Variants in PTCH2 observed in about 807,000 individuals in gnomAD.
The protein encoded by PTCH2 is patched 2.
PTCH2 carries 96 observed loss-of-function variants against 117.9 expected under a neutral mutation model. That is an observed-to-expected ratio of 0.81 (90% CI 0.69 to 0.96). The LOEUF is 0.96. PTCH2 is among the 50% of genes least tolerant of loss of function. The pLI is 0.00. For synonymous variants in PTCH2, 615 were observed against 660.9 expected (o/e 0.93, Z 1.06); for missense variants, 1,379 against 1,562.5 (o/e 0.88, Z 1.98).
intron 2 of PTCH2, among the ~76,000 whole-genome samples, chr1:44,838,257 C>T (rs904417307): frequency 2.0e-4 from 30 of 152,174 alleles, no homozygotes; most frequent in African/African-American, 7.2e-4. Flanking sequence ...CCTCTGTCTT[C>T]TACATGGAAT....
At position 44,842,856 on chromosome 1, in the gene PTCH2, C is replaced by G. The variant is rs1417599434; in HGVS notation, c.72+5G>C. On this transcript the variant is annotated splice_donor_5th_base_variant and intron_variant, in intron 1 of 21. Transcript: ENST00000372192. ...CTTCCTTCTTCCAGCTCCCCCTCTA[C>G]TCACCTGGGGTGCTGCGGTTCGAGC... The G allele has an allele frequency of 1.3e-6, 2 of 1,549,940 alleles. No homozygotes were observed. The highest frequency in any genetic ancestry group is 2.4e-5 in the South Asian group (2 of 83,976).
chr1:44,842,094 C>T lies in PTCH2; in HGVS notation c.73-55G>A, dbSNP rs1653972427. The T allele has an allele frequency of 3.3e-6, 5 of 1,498,542 alleles. No homozygotes were observed. The South Asian group carries it at 5.7e-5, about 17-fold the overall frequency. The allele number at this position is 1,498,542 out of a possible 1,614,324, so 92.8% of individuals were successfully genotyped here. ...CATCACTGCAACAATGCATGAAATC[C>T]TTCCCTTCTCACCCTGTATATCTGC... is the stretch of plus-strand genomic sequence containing the variant. On this transcript the variant is annotated intron_variant, in intron 1 of 21. Transcript: ENST00000372192.
rs181710140 is a variant in PTCH2 at position 44,840,659 on chromosome 1, C to T, written c.265+1188G>A. Among the ~76,000 whole-genome samples, 719 of 150,552 alleles carry T rather than the reference C, an allele frequency of 4.8e-3. 2 individuals carry two copies. Among genetic ancestry groups the T allele is most frequent in the Non-Finnish European group, 7.1e-3 (478 of 67,602 alleles). On this transcript the variant is annotated intron_variant, in intron 2 of 21. Coordinates refer to ENST00000372192, the MANE Select transcript of PTCH2 (RefSeq NM_003738.5). ...CTGGGAGGCAGAGGTTGCAGTGAGA[C>T]GATATCAAGCCACTAAACTCCAGCT...
chr1:44,829,631 G>T lies in PTCH2; in HGVS notation c.1066C>A (p.Gln356Lys). The change falls in exon 8 of 22, where the codon CAG (glutamine) becomes AAG (lysine). Residue 356 changes from glutamine (Q) to lysine (K), a missense_variant. Gln to Lys is a moderately conservative substitution (Grantham distance 53). Coordinates refer to ENST00000372192, the MANE Select transcript of PTCH2 (RefSeq NM_003738.5). ...EQASTVLQAW[Q>K]RRFVQLAQEA... Reference sequence around the variant, plus strand: ...ATACCGACCTGCACAAAGCGCCGCTGCCAGGCTTGTAGCACTGTGCTGGCC... The same window carrying T: ...ATACCGACCTGCACAAAGCGCCGCTTCCAGGCTTGTAGCACTGTGCTGGCC... The T allele has an allele frequency of 6.2e-7, 1 of 1,614,218 alleles. No individual in the cohort carries two copies. The highest frequency in any genetic ancestry group is 8.5e-7 in the Non-Finnish European group (1 of 1,180,040).
At chr1:44,841,460 C>T (rs771068367) in intron 2 of PTCH2, among the ~76,000 whole-genome samples, 1 of 152,206 alleles carries the variant, frequency 6.6e-6, no homozygotes, top group Non-Finnish European at 1.5e-5. Flanking sequence ...ACCACATAAT[C>T]ACAGGATGCT....
chr1:44,842,182 C>G (rs1215459977), intron 1 of PTCH2, 143 bp from the exon 2 acceptor site: 2 of 774,500 alleles, frequency 2.6e-6, no homozygotes, highest in Non-Finnish European at 4.4e-6. Flanking sequence ...AGACACAGGC[C>G]CAGACTTGGA....
Position 44,828,390 on chromosome 1 carries a change from A to T in PTCH2, c.1615T>A (p.Phe539Ile), listed in dbSNP as rs1653261511. Residue 539 changes from phenylalanine (F) to isoleucine (I), a missense_variant, in exon 13 of 22, where the codon TTT becomes ATT. Coordinates refer to ENST00000372192, the MANE Select transcript of PTCH2 (RefSeq NM_003738.5). ...GGGAAGACAAGCATCACGGCTACAA[A>T]GGTGCAGCCAACCACTATGGCCGCC... ...LQAAIVVGCTFVAVMLVFPAI... is the reference protein window; with the variant it reads ...LQAAIVVGCTIVAVMLVFPAI... The T allele has an allele frequency of 1.2e-6, 2 of 1,614,058 alleles. No homozygotes were observed. The highest frequency in any genetic ancestry group is 1.7e-6 in the Non-Finnish European group (2 of 1,180,030).
chr1:44,836,300 A>G (rs1201179479), intron 2 of PTCH2, among the ~76,000 whole-genome samples: 2 of 152,206 alleles, frequency 1.3e-5, no homozygotes, highest in African/African-American at 4.8e-5. Flanking sequence ...CTACTAATAC[A>G]TTTTTCCTCA....
In PTCH2 at chr1:44,829,436, C is replaced by G; in HGVS notation, c.1181G>C (p.Ser394Thr). The G allele has an allele frequency of 6.2e-7, 1 of 1,614,210 alleles. No individual in the cohort carries two copies. Among genetic ancestry groups the G allele is most frequent in the Non-Finnish European group, 8.5e-7 (1 of 1,180,034 alleles). ...DDILHAFSEV[S>T]AARVVGGYLL... ...ATAGCCTCCCACCACACGGGCAGCA[C>G]TGACTTCAGAGAACGCATGCAGGAT... Residue 394 changes from serine to threonine, a missense_variant, in exon 9 of 22, where the codon AGT becomes ACT. By Grantham distance (58) the Ser-to-Thr change is moderately conservative. Transcript: ENST00000372192.
In PTCH2 at chr1:44,829,720, C is replaced by G; in HGVS notation, c.977G>C (p.Arg326Pro). 6 of 1,614,188 alleles carry G rather than the reference C, an allele frequency of 3.7e-6. No individual in the cohort carries two copies. The highest frequency in any genetic ancestry group is 5.1e-6 in the Non-Finnish European group (6 of 1,180,026). The stretch of plus-strand genomic sequence containing the variant: ...ACCCCGGAAATGCTCGTACAGCTGG[C>G]GGGGACTCATCAGCAAGAAGGTGCT... ...LQSTFLLMSP[R>P]QLYEHFRGDY... The change falls in exon 8 of 22, where the codon CGC (arginine) becomes CCC (proline). Residue 326 changes from arginine (R) to proline (P), a missense_variant. Arg to Pro is a moderately radical substitution (Grantham distance 103). Coordinates refer to ENST00000372192, the MANE Select transcript of PTCH2 (RefSeq NM_003738.5).
chr1:44,837,945 G>C (rs1653758294), intron 2 of PTCH2, among the ~76,000 whole-genome samples: 1 of 151,966 alleles, frequency 6.6e-6, no homozygotes, highest in East Asian at 1.9e-4. Context: ...AGCTGGGCAT[G>C]GTGGCGGGTG....
chr1:44,831,543 G>C lies in PTCH2; in HGVS notation c.617+163C>G, dbSNP rs920752030. On this transcript the variant is annotated intron_variant, in intron 5 of 21. Transcript: ENST00000372192. This position sits in a 1 kb window ranked among gnomAD's most constrained non-coding sequence, Gnocchi z 4.3. ...CTTCCTTGAGAGGGAAAGAGAAGGA[G>C]GATGTGGAGAGAGCCTTGGGGAAGC... Among the ~76,000 whole-genome samples the C allele has an allele frequency of 6.6e-6, 1 of 152,222 alleles. No homozygotes were observed. Among genetic ancestry groups the C allele is most frequent in the Non-Finnish European group, 1.5e-5 (1 of 68,042 alleles).
chr1:44,833,964 A>G (rs1189662611), intron 2 of PTCH2, among the ~76,000 whole-genome samples: 1 of 151,612 alleles, frequency 6.6e-6, no homozygotes, highest in Non-Finnish European at 1.5e-5. Flanking sequence ...AAACCCATGT[A>G]ATCTTCTCAC....
At position 44,828,424 on chromosome 1, in the gene PTCH2, G is replaced by C. The variant is rs112892676; in HGVS notation, c.1591-10C>G. 6.2e-7 allele frequency: 1 copy of C among 1,614,100 alleles called. No homozygotes were observed. Among genetic ancestry groups the C allele is most frequent in the Admixed American group, 1.7e-5 (1 of 60,030 alleles). On this transcript the variant is annotated splice_polypyrimidine_tract_variant and intron_variant, in intron 12 of 21. Transcript: ENST00000372192. ...CAACCACTATGGCCGCCTGGGGGAC[G>C]GACAGGAGGGGAATGAAGGCTGGAT...
Position 44,823,045 on chromosome 1 carries a change from G to T in PTCH2, c.3357+24C>A. On this transcript the variant is annotated intron_variant, in intron 21 of 21. Coordinates refer to ENST00000372192, the MANE Select transcript of PTCH2 (RefSeq NM_003738.5). The surrounding 1 kb of genome is among the most constrained non-coding windows in gnomAD (Gnocchi z 5.1). ...CCCGTCCCTTGGGCTGGGAGTAGAGGGATGGTGCCGAGGGTGTGGTCACCT... is the reference window on the plus strand; with the variant it reads ...CCCGTCCCTTGGGCTGGGAGTAGAGTGATGGTGCCGAGGGTGTGGTCACCT... 1.2e-6 allele frequency: 2 copies of T among 1,606,328 alleles called. No individual in the cohort carries two copies. The highest frequency in any genetic ancestry group is 1.7e-6 in the Non-Finnish European group (2 of 1,176,150).
rs771286411 is a variant in PTCH2, at chr1:44,828,074, G to T, written c.1827C>A (p.Ser609Arg). 2.5e-6 allele frequency: 4 copies of T among 1,614,112 alleles called. No individual in the cohort carries two copies. In the Admixed American group the frequency reaches 6.7e-5, roughly 27 times the overall value. ...TVQAFTHCEA[S>R]SQHVVTILPP... ...GCAGGATGGTGACCACATGCTGGCT[G>T]CTGGCTTCACAGTGGGTAAAGGCTT... The change falls in exon 14 of 22, where the codon AGC becomes AGA. Residue 609 changes from serine (S) to arginine (R), a missense_variant. Coordinates refer to ENST00000372192, the MANE Select transcript of PTCH2 (RefSeq NM_003738.5).
chr1:44,832,102 C>T (rs1653477354), intron 3 of PTCH2, 50 bp downstream of exon 3: 1 of 1,613,106 alleles, frequency 6.2e-7, no homozygotes, highest in Non-Finnish European at 8.5e-7. Context: ...ACTCCAGAAC[C>T]CCCACAGCAC....
In PTCH2 at chr1:44,831,661, A is replaced by G; in HGVS notation, c.617+45T>C. 2.7e-6 allele frequency: 4 copies of G among 1,485,376 alleles called. No homozygotes were observed. Among genetic ancestry groups the G allele is most frequent in the Non-Finnish European group, 1.8e-6 (2 of 1,086,774 alleles). The allele number at this position is 1,485,376 out of a possible 1,614,324, so 92.0% of individuals were successfully genotyped here. A position where few individuals can be genotyped will look rare whatever the true frequency, so the allele number is the denominator to read the frequency against. On this transcript the variant is annotated intron_variant, in intron 5 of 21. Transcript: ENST00000372192. The surrounding 1 kb of genome is among the most constrained non-coding windows in gnomAD (Gnocchi z 4.3). ...CCAGACCCCTCCTTTCTGCTGGGAGAGTCCCCAGCGGGAGATGAAGCAGGG... is the reference window on the plus strand; with the variant it reads ...CCAGACCCCTCCTTTCTGCTGGGAGGGTCCCCAGCGGGAGATGAAGCAGGG...
chr1:44,828,273 A>G (rs1553165246), intron 13 of PTCH2, 23 bp downstream of exon 13: 1 of 1,613,462 alleles, frequency 6.2e-7, no homozygotes, highest in Non-Finnish European at 8.5e-7. Flanking sequence ...CACGGGAGGA[A>G]GGGGCTGGGG....
Sources: gnomAD v4.1 joint callset for allele counts (sites outside exome capture counted in the v4.1 genomes callset) on GRCh38, gnomAD v4.1.1 for gene constraint, Gnocchi (gnomAD v3.1) non-coding constraint, MANE v1.5 for transcripts, NCBI Gene and HGNC (gene_info 2026-07-23, HGNC 2026-07-21) for gene names.